DPP10: variants seen among roughly 807,000 people sequenced by gnomAD.
The protein encoded by DPP10 is dipeptidyl peptidase like 10.
A neutral mutation model predicts 120.9 loss-of-function variants in DPP10; 33 were observed. That is an observed-to-expected ratio of 0.27 (90% CI 0.21 to 0.37). The LOEUF (loss-of-function observed/expected upper bound fraction) is 0.37. Among genes scored for constraint, DPP10 ranks in the 10% least tolerant of loss-of-function variants. The pLI is 1.00. For synonymous variants in DPP10, 337 were observed against 326.1 expected (o/e 1.03, Z -0.36); for missense variants, 816 against 942.8 (o/e 0.87, Z 1.76).
At chr2:115,292,691 T>G (rs1176061839) in intron 1 of DPP10, among the ~76,000 whole-genome samples, 1 of 152,138 alleles carries the variant, frequency 6.6e-6, no homozygotes, top group African/African-American at 2.4e-5. Flanking sequence ...TATAGCCTAT[T>G]ATTATTGTTG....
chr2:114,633,134 T>G lies in DPP10; in HGVS notation c.60+190296T>G, dbSNP rs1035385459. Among the ~76,000 whole-genome samples, 16 of 129,604 alleles carry G rather than the reference T, an allele frequency of 1.2e-4. 1 individual carries two copies. Among genetic ancestry groups the G allele is most frequent in the African/African-American group, 5.5e-4 (16 of 28,886 alleles). 85.0% of individuals were successfully genotyped at this position (129,604 alleles called of 152,430 possible). On this transcript the variant is annotated intron_variant, in intron 1 of 25. Coordinates refer to ENST00000410059, the MANE Select transcript of DPP10 (RefSeq NM_020868.6). ...TCTAAGTCTTTTTAGTGGGCAGAAC[T>G]AGAAGATATATTAAAATGGAAATCA...
rs1201402510 is a variant in DPP10 at position 115,830,757 on chromosome 2, G to C, written c.1951-5400G>C. Among the ~76,000 whole-genome samples, 3 of 152,156 alleles carry C rather than the reference G, an allele frequency of 2.0e-5. No homozygotes were observed. The East Asian group carries it at 5.8e-4, about 29-fold the overall frequency. ...TTGGAGGTAAGGAAAGGTATCACTA[G>C]GAGATCATGTTTGAACTAAGAGAAG... On this transcript the variant is annotated intron_variant, in intron 21 of 25. Coordinates refer to ENST00000410059, the MANE Select transcript of DPP10 (RefSeq NM_020868.6).
At chr2:115,380,415 T>C (rs909013247) in intron 3 of DPP10, among the ~76,000 whole-genome samples, 77 of 152,276 alleles carry the variant, frequency 5.1e-4, no homozygotes, top group African/African-American at 1.7e-3. Flanking sequence ...GTAGATCTTC[T>C]TCCATCCTTT....
chr2:115,528,317 C>T (rs2078255963), intron 5 of DPP10, among the ~76,000 whole-genome samples: 1 of 151,214 alleles, frequency 6.6e-6, no homozygotes, highest in African/African-American at 2.4e-5. Flanking sequence ...ATGTAACAAA[C>T]CTGCACATTG....
Position 115,286,526 on chromosome 2 carries a change from A to ATATATATATATATAATATATATATAT in DPP10, c.61-22713_61-22712insTATATATATATATAATATATATATAT, listed in dbSNP as rs10675008. 1.1e-4 allele frequency among the ~76,000 whole-genome samples: 7 copies of ATATATATATATATAATATATATATAT among 60,952 alleles called. No homozygotes were observed. The South Asian group carries it at 3.6e-3, about 32-fold the overall frequency. 40.0% of individuals were successfully genotyped at this position (60,952 alleles called of 152,430 possible). On this transcript the variant is annotated intron_variant, in intron 1 of 25. Coordinates refer to ENST00000410059, the MANE Select transcript of DPP10 (RefSeq NM_020868.6). The stretch of plus-strand genomic sequence containing the variant: ...TATTACATATATAATATATATATAT[A>ATATATATATATATAATATATATATAT]ATATATATATATATAAAATATATAC...
intron 1 of DPP10, among the ~76,000 whole-genome samples, chr2:115,046,669 C>T (rs965172194): frequency 1.3e-5 from 2 of 151,904 alleles, no homozygotes; most frequent in Non-Finnish European, 2.9e-5. Flanking sequence ...ACCTTGTAAA[C>T]GATGAAACCA....
At chr2:115,171,912 C>T (rs573611524) in intron 1 of DPP10, among the ~76,000 whole-genome samples, 7 of 152,122 alleles carry the variant, frequency 4.6e-5, no homozygotes, top group Non-Finnish European at 7.4e-5. Context: ...AGAGGTTACA[C>T]GCAAAGCCAT....
intron 3 of DPP10, among the ~76,000 whole-genome samples, chr2:115,402,385 A>G (rs1048926026): frequency 6.6e-6 from 1 of 152,138 alleles, no homozygotes; most frequent in Non-Finnish European, 1.5e-5. Context: ...AAGAATAGAC[A>G]AACCTTTAAC....
rs555037827 is a variant in DPP10 at position 115,407,713 on chromosome 2, G to C, written c.271+63801G>C. On this transcript the variant is annotated intron_variant, in intron 3 of 25. Coordinates refer to ENST00000410059, the MANE Select transcript of DPP10 (RefSeq NM_020868.6). ...TTTTACCTTTTTGCCAGCGTGTTAG[G>C]CTTCTGGGTCCCCTTCCCCTGAGCC... 8.3e-4 allele frequency among the ~76,000 whole-genome samples: 126 copies of C among 152,198 alleles called. 1 individual carries two copies. The highest frequency in any genetic ancestry group is 2.9e-3 in the African/African-American group (122 of 41,552).
intron 1 of DPP10, among the ~76,000 whole-genome samples, chr2:114,795,980 C>T (rs142022062): frequency 1.2e-3 from 185 of 152,268 alleles, no homozygotes; most frequent in Admixed American, 2.6e-3. Context: ...TGTAACTGTA[C>T]TACTATAGTA....
intron 2 of DPP10, among the ~76,000 whole-genome samples, chr2:115,343,000 C>T (rs114381189): frequency 0.014 from 2,185 of 152,104 alleles, 48 homozygotes; most frequent in African/African-American, 0.05. Flanking sequence ...TATTTTCAAC[C>T]GAAGTGAAGG....
chr2:114,553,584 A>G (rs568769217), intron 1 of DPP10, among the ~76,000 whole-genome samples: 1 of 152,312 alleles, frequency 6.6e-6, no homozygotes, highest in East Asian at 1.9e-4. Flanking sequence ...CTGTTATTTT[A>G]TGAGAGATGA....
chr2:115,585,749 T>C (rs2082251142), intron 5 of DPP10, among the ~76,000 whole-genome samples: 1 of 152,016 alleles, frequency 6.6e-6, no homozygotes, highest in Non-Finnish European at 1.5e-5. Context: ...AGTTTAGTGA[T>C]TTTTTTTAAC....
intron 3 of DPP10, among the ~76,000 whole-genome samples, chr2:115,474,341 G>C (rs984608059): frequency 6.6e-6 from 1 of 152,182 alleles, no homozygotes; most frequent in Non-Finnish European, 1.5e-5. Flanking sequence ...CTCTTAGCCA[G>C]GCTCTAATGG....
chr2:115,405,531 A>G (rs1012792382), intron 3 of DPP10, among the ~76,000 whole-genome samples: 1 of 152,034 alleles, frequency 6.6e-6, no homozygotes, highest in Admixed American at 6.6e-5. Flanking sequence ...CCCTGCTCCC[A>G]TGGTTCCACT....
chr2:115,088,768 A>AC (rs1553485554), intron 1 of DPP10, among the ~76,000 whole-genome samples: 4 of 134,942 alleles, frequency 3.0e-5, no homozygotes, highest in Non-Finnish European at 4.8e-5. Flanking sequence ...AAAAAAAAAA[A>AC]ACCAAAAAAC....
At chr2:115,289,225 C>T (rs1181956728) in intron 1 of DPP10, among the ~76,000 whole-genome samples, 2 of 152,012 alleles carry the variant, frequency 1.3e-5, no homozygotes, top group East Asian at 1.9e-4. Flanking sequence ...TAGGAATATG[C>T]TTAACTAAGG....
At chr2:115,369,902 T>C (rs2065299429) in intron 3 of DPP10, among the ~76,000 whole-genome samples, 1 of 152,076 alleles carries the variant, frequency 6.6e-6, no homozygotes, top group African/African-American at 2.4e-5. Flanking sequence ...TGTTAATCCT[T>C]GTAAATCCAT....
At chr2:114,817,321 C>A (rs1372787736) in intron 1 of DPP10, among the ~76,000 whole-genome samples, 1 of 149,196 alleles carries the variant, frequency 6.7e-6, no homozygotes, top group African/African-American at 2.5e-5. Flanking sequence ...AAAAAAGGCT[C>A]ACATGAAAGG....
Sources: gnomAD v4.1 joint callset for allele counts (sites outside exome capture counted in the v4.1 genomes callset) on GRCh38, gnomAD v4.1.1 for gene constraint, MANE v1.5 for transcripts, NCBI Gene and HGNC (gene_info 2026-07-23, HGNC 2026-07-21) for gene names.